Variants in ANKRD45 observed in about 807,000 individuals in gnomAD.
ANKRD45 encodes the protein ankyrin repeat domain-containing protein 45.
A neutral mutation model predicts 28.1 loss-of-function variants in ANKRD45; 21 were observed. The ratio of observed to expected loss-of-function variants is 0.75; its 90% CI spans 0.53 to 1.08. The LOEUF is 1.08. Among genes scored for constraint, ANKRD45 ranks in the 50% least tolerant of loss-of-function variants. The probability of loss-of-function intolerance (pLI) is 0.00; values close to 1 mark genes in which losing one functional copy is unlikely to be tolerated. For missense variants in ANKRD45, 261 were observed against 308.7 expected (o/e 0.85, Z 1.16); for synonymous variants, 86 against 103.9 (o/e 0.83, Z 1.05).
rs1187569259 is a variant in ANKRD45 at position 173,669,356 on chromosome 1, G to A, written c.-16+461C>T. ...CGCAGCCTGAAGTTGTGATAGAGGA[G>A]TAGATCCTAATGTGCCTTTTAAGCC... On this transcript the variant is annotated intron_variant, in intron 1 of 5. Transcript: ENST00000333279. 4 of 442,098 alleles carry A rather than the reference G, an allele frequency of 9.0e-6. No individual in the cohort carries two copies. In the East Asian group the frequency reaches 2.1e-4, roughly 23 times the overall value. The allele number at this position is 442,098 out of a possible 1,614,324, so 27.4% of individuals were successfully genotyped here. A position where few individuals can be genotyped will look rare whatever the true frequency, so the allele number is the denominator to read the frequency against.
At chr1:173,656,739 TATA>T (rs1217768221) in intron 2 of ANKRD45, among the ~76,000 whole-genome samples, 6 of 152,134 alleles carry the variant, frequency 3.9e-5, no homozygotes, top group African/African-American at 1.4e-4. Context: ...GAACCTCTAT[TATA>T]ATGATAAATG....
chr1:173,694,666 T>C, the ANKRD45 span, among the ~76,000 whole-genome samples: 1 of 151,906 alleles, frequency 6.6e-6, no homozygotes, highest in South Asian at 2.1e-4. Flanking sequence ...GTCACTTGAA[T>C]AGTGTACATT....
chr1:173,623,755 T>C (rs1418979419), intron 5 of ANKRD45, among the ~76,000 whole-genome samples: 4 of 152,020 alleles, frequency 2.6e-5, no homozygotes, highest in Non-Finnish European at 5.9e-5. Context: ...GTGGAACATA[T>C]ATACCATGGA....
At chr1:173,645,730 TC>T (rs1258938380) in intron 3 of ANKRD45, among the ~76,000 whole-genome samples, 1 of 152,166 alleles carries the variant, frequency 6.6e-6, no homozygotes, top group Non-Finnish European at 1.5e-5. Context: ...CTTGTCACCA[TC>T]CTCCAACATG....
rs1176144557 is a variant in ANKRD45, at chr1:173,661,197, G to A, written c.-15-1764C>T. On this transcript the variant is annotated intron_variant, in intron 1 of 5. Transcript: ENST00000333279. ...AGATTCAAGATCATGTTTACCAGGG[G>A]TGAAGGGTAGTGGGAGAAGACAAGA... Among the ~76,000 whole-genome samples the A allele has an allele frequency of 3.3e-5, 5 of 152,160 alleles. No homozygotes were observed. In the South Asian group the frequency reaches 8.3e-4, roughly 25 times the overall value.
intron 3 of ANKRD45, chr1:173,635,837 C>CA (rs1355068391): frequency 3.3e-6 from 5 of 1,517,598 alleles, no homozygotes; most frequent in Admixed American, 4.2e-5. Flanking sequence ...GAAGAAACAC[C>CA]AAAAAAAGGT....
the ANKRD45 span, among the ~76,000 whole-genome samples, chr1:173,687,379 C>T: frequency 6.6e-6 from 1 of 152,034 alleles, no homozygotes; most frequent in Non-Finnish European, 1.5e-5. Context: ...ACAAACATCC[C>T]TTTTATTTAA....
rs115488506 is a variant in ANKRD45, at chr1:173,626,622, C to A, written c.591+443G>T. 3.4e-3 allele frequency among the ~76,000 whole-genome samples: 519 copies of A among 152,206 alleles called. 1 individual carries two copies. Among genetic ancestry groups the A allele is most frequent in the African/African-American group, 0.012 (498 of 41,538 alleles). On this transcript the variant is annotated intron_variant, in intron 4 of 5. Transcript: ENST00000333279. ...CAGCTTCTGTCCCTCCCCATCCCAC[C>A]CCCCGACTGCCTTCAAGAGATAACT...
the ANKRD45 span, among the ~76,000 whole-genome samples, chr1:173,684,087 A>G: frequency 6.6e-6 from 1 of 152,200 alleles, no homozygotes; most frequent in South Asian, 2.1e-4. Context: ...GGTAATCAGA[A>G]TGAGTTAGGG....
the ANKRD45 span, among the ~76,000 whole-genome samples, chr1:173,689,935 C>G: frequency 6.6e-6 from 1 of 151,778 alleles, no homozygotes; most frequent in Non-Finnish European, 1.5e-5. Flanking sequence ...GACAGTAACT[C>G]GACCCAAGTG....
chr1:173,646,624 T>C (rs1177722862), intron 3 of ANKRD45, among the ~76,000 whole-genome samples: 2 of 152,220 alleles, frequency 1.3e-5, no homozygotes, highest in African/African-American at 2.4e-5. Flanking sequence ...CAGAAGTTGG[T>C]AAATCAACTA....
chr1:173,635,473 T>C (rs1361562974), intron 3 of ANKRD45: 1 of 1,350,522 alleles, frequency 7.4e-7, no homozygotes, highest in East Asian at 2.5e-5. Flanking sequence ...ATTTAGCTAT[T>C]TTAAAATAGC....
intron 3 of ANKRD45, among the ~76,000 whole-genome samples, chr1:173,644,386 G>A (rs1431906899): frequency 6.6e-6 from 1 of 151,488 alleles, no homozygotes; most frequent in African/African-American, 2.4e-5. Flanking sequence ...ATTTTATGTT[G>A]AGTTATTTAT....
the ANKRD45 span, among the ~76,000 whole-genome samples, chr1:173,703,905 G>A: frequency 6.6e-6 from 1 of 152,250 alleles, no homozygotes; most frequent in Non-Finnish European, 1.5e-5. Flanking sequence ...CAGACTTCTA[G>A]CCTCCAGAAC....
At chr1:173,631,608 TTCA>T (rs1668200419) in intron 3 of ANKRD45, among the ~76,000 whole-genome samples, 1 of 152,078 alleles carries the variant, frequency 6.6e-6, no homozygotes, top group African/African-American at 2.4e-5. Context: ...TCTTAAAAGT[TTCA>T]AAAAAATTAA....
chr1:173,620,373 A>T (rs768706273), intron 5 of ANKRD45, among the ~76,000 whole-genome samples: 55 of 152,232 alleles, frequency 3.6e-4, no homozygotes, highest in Non-Finnish European at 7.9e-4. Flanking sequence ...ACTGAAATTA[A>T]GGCAGAAATC....
chr1:173,711,068 C>A, the ANKRD45 span, among the ~76,000 whole-genome samples: 2 of 152,144 alleles, frequency 1.3e-5, no homozygotes, highest in Non-Finnish European at 2.9e-5. Context: ...GTCTCACCTA[C>A]AACTAAACCT....
intron 1 of ANKRD45, among the ~76,000 whole-genome samples, chr1:173,661,859 T>G (rs1669790161): frequency 2.0e-5 from 3 of 152,194 alleles, no homozygotes; most frequent in Admixed American, 1.3e-4. Flanking sequence ...AATTTTAGAT[T>G]GTTATAAGTG....
the ANKRD45 span, among the ~76,000 whole-genome samples, chr1:173,699,854 T>C: frequency 6.6e-6 from 1 of 152,162 alleles, no homozygotes; most frequent in Admixed American, 6.5e-5. Flanking sequence ...TAAAGGGTAT[T>C]CAATTAGGAA....
Sources: gnomAD v4.1 joint callset for allele counts (sites outside exome capture counted in the v4.1 genomes callset) on GRCh38, gnomAD v4.1.1 for gene constraint, MANE v1.5 for transcripts, NCBI Gene and HGNC (gene_info 2026-07-23, HGNC 2026-07-21) for gene names.